The following MAF variants were observed in gnomAD, a reference collection of about 807,000 sequenced individuals.
MAF encodes the protein MAF bZIP transcription factor, also known as transcription factor Maf.
Under a neutral mutation model 22.0 loss-of-function variants are expected in MAF, and 10 were observed. The ratio of observed to expected loss-of-function variants is 0.45; its 90% CI spans 0.28 to 0.77. MAF has a LOEUF of 0.77. Ranked by LOEUF, MAF falls within the 30% of genes least tolerant of loss-of-function variation. The pLI is 0.12. For missense variants in MAF, 544 were observed against 548.4 expected (o/e 0.99, Z 0.08); for synonymous variants, 337 against 255.8 (o/e 1.32, Z -3.03).
chr16:79,502,569 G>T, the MAF span, among the ~76,000 whole-genome samples: 1 of 151,450 alleles, frequency 6.6e-6, no homozygotes. Flanking sequence ...AGGAGGCTGG[G>T]GTGAGAGGAT....
the MAF span, among the ~76,000 whole-genome samples, chr16:79,271,721 T>A: frequency 6.6e-6 from 1 of 152,258 alleles, no homozygotes; most frequent in Non-Finnish European, 1.5e-5. Flanking sequence ...ATTTGGAGCA[T>A]GTGATGTCTC....
At chr16:79,477,878 C>G in the MAF span, among the ~76,000 whole-genome samples, 3 of 151,812 alleles carry the variant, frequency 2.0e-5, no homozygotes, top group Non-Finnish European at 4.4e-5. Context: ...GCGCGTGCCA[C>G]CAGGCCAGCT....
the MAF span, among the ~76,000 whole-genome samples, chr16:79,513,177 C>T: frequency 5.3e-5 from 8 of 152,252 alleles, no homozygotes; most frequent in South Asian, 2.1e-4. Flanking sequence ...CCCTATAGCC[C>T]GGGCGACAGC....
the MAF span, among the ~76,000 whole-genome samples, chr16:79,445,261 T>C: frequency 6.6e-6 from 1 of 151,936 alleles, no homozygotes; most frequent in South Asian, 2.1e-4. Context: ...GCCAGGATGG[T>C]CTGGATCTCC....
At chr16:79,211,044 T>A in the MAF span, among the ~76,000 whole-genome samples, 1 of 151,832 alleles carries the variant, frequency 6.6e-6, no homozygotes, top group African/African-American at 2.4e-5. Context: ...AGTGTGTGTG[T>A]GTGTGTGTGT....
At chr16:79,212,195 T>A in the MAF span, 7 of 1,460,662 alleles carry the variant, frequency 4.8e-6, no homozygotes, top group Non-Finnish European at 6.3e-6. Flanking sequence ...GCTGGCCTTC[T>A]CCTACTTAGG....
At chr16:79,364,975 G>A in the MAF span, among the ~76,000 whole-genome samples, 1 of 152,302 alleles carries the variant, frequency 6.6e-6, no homozygotes, top group South Asian at 2.1e-4. Flanking sequence ...CTGAAGGAGT[G>A]GGAAGGGAAG....
At chr16:79,560,192 C>T in the MAF span, among the ~76,000 whole-genome samples, 26,502 of 151,974 alleles carry the variant, frequency 0.17, 2,873 homozygotes, top group Non-Finnish European at 0.24. Context: ...ACTACAGGTG[C>T]ACCTGGGCCA....
chr16:79,454,406 T>A, the MAF span, among the ~76,000 whole-genome samples: 2 of 152,172 alleles, frequency 1.3e-5, no homozygotes, highest in African/African-American at 4.8e-5. Flanking sequence ...TGTGCCTCCC[T>A]CAGGGGTTTA....
the MAF span, among the ~76,000 whole-genome samples, chr16:79,551,031 C>G: frequency 6.6e-6 from 1 of 152,138 alleles, no homozygotes; most frequent in Non-Finnish European, 1.5e-5. Context: ...GCAGCAAACA[C>G]CTACTATGCA....
At chr16:79,404,837 C>A in the MAF span, among the ~76,000 whole-genome samples, 1 of 152,116 alleles carries the variant, frequency 6.6e-6, no homozygotes, top group African/African-American at 2.4e-5. Context: ...CAGCAAGTCC[C>A]CAAATGTATT....
chr16:79,452,687 T>C, the MAF span, among the ~76,000 whole-genome samples: 4 of 152,142 alleles, frequency 2.6e-5, no homozygotes, highest in Non-Finnish European at 5.9e-5. Flanking sequence ...TCAGCTTCTT[T>C]GGAGTCAGCA....
At chr16:79,212,171 C>A in the MAF span, 1 of 1,482,452 alleles carries the variant, frequency 6.7e-7, no homozygotes, top group Non-Finnish European at 8.9e-7. Context: ...CCACGGCCAC[C>A]ACTGCAGCCG....
chr16:79,596,959 GA>G lies in MAF; in HGVS notation c.1118+1825del, dbSNP rs201589196. ...GTCCCAAATACTTTAATTTTGAAAAGAAAAAAAAACATACATTTTTGAATGT... is the reference window on the plus strand; with the variant it reads ...GTCCCAAATACTTTAATTTTGAAAAGAAAAAAAACATACATTTTTGAATGT... On this transcript the variant is annotated intron_variant, in intron 1 of 1. Coordinates refer to ENST00000326043, the MANE Select transcript of MAF (RefSeq NM_005360.5). 65 of 1,037,690 alleles carry G rather than the reference GA, an allele frequency of 6.3e-5. 1 individual carries two copies. The highest frequency in any genetic ancestry group is 5.4e-4 in the African/African-American group (32 of 59,332). 64.3% of individuals were successfully genotyped at this position (1,037,690 alleles called of 1,614,324 possible).
the MAF span, among the ~76,000 whole-genome samples, chr16:79,244,043 C>G: frequency 6.6e-6 from 1 of 151,960 alleles, no homozygotes; most frequent in African/African-American, 2.4e-5. Context: ...TCTCAATAAA[C>G]TAGGTATTGA....
At chr16:79,321,412 T>A in the MAF span, among the ~76,000 whole-genome samples, 1 of 152,188 alleles carries the variant, frequency 6.6e-6, no homozygotes, top group Non-Finnish European at 1.5e-5. Flanking sequence ...ACATCCTGCA[T>A]TTTATCCAGA....
chr16:79,321,768 A>G, the MAF span, among the ~76,000 whole-genome samples: 1 of 145,460 alleles, frequency 6.9e-6, no homozygotes, highest in African/African-American at 2.6e-5. Flanking sequence ...CTCCTGCCTC[A>G]GCCTCCCTAG....
chr16:79,337,119 G>A, the MAF span, among the ~76,000 whole-genome samples: 5 of 152,150 alleles, frequency 3.3e-5, no homozygotes, highest in Admixed American at 6.5e-5. Flanking sequence ...ACTGGTCGCC[G>A]CACAGCACTG....
the MAF span, among the ~76,000 whole-genome samples, chr16:79,306,003 C>G: frequency 1.3e-5 from 2 of 152,200 alleles, no homozygotes; most frequent in Non-Finnish European, 2.9e-5. Flanking sequence ...TTTGGCTTCA[C>G]TGGTAACATT....
Sources: gnomAD v4.1 joint callset for allele counts (sites outside exome capture counted in the v4.1 genomes callset) on GRCh38, gnomAD v4.1.1 for gene constraint, MANE v1.5 for transcripts, NCBI Gene and HGNC (gene_info 2026-07-23, HGNC 2026-07-21) for gene names.